The following DCP1B variants were observed in gnomAD, a reference collection of about 807,000 sequenced individuals.
The protein encoded by DCP1B is decapping mRNA 1B.
In DCP1B, 47 loss-of-function variants were observed where a neutral mutation model predicts 60.5. The observed-to-expected ratio is 0.78, with a 90% CI of 0.61 to 0.99. DCP1B has a LOEUF of 0.99. Ranked by LOEUF, DCP1B falls within the 50% of genes least tolerant of loss-of-function variation. DCP1B has a pLI of 0.00. For missense variants in DCP1B, 725 were observed against 756.8 expected (o/e 0.96, Z 0.49); for synonymous variants, 267 against 280.3 (o/e 0.95, Z 0.47).
At chr12:1,992,862 C>A in intron 3 of DCP1B, 1 of 423,434 alleles carries the variant, frequency 2.4e-6, no homozygotes, top group East Asian at 3.9e-5. Context: ...CTCACTCGGC[C>A]AAAAGTGATA....
At chr12:1,992,072 C>T (rs549248900) in intron 3 of DCP1B, 86 of 368,924 alleles carry the variant, frequency 2.3e-4, no homozygotes, top group African/African-American at 1.7e-3. Context: ...GGAAAGGGTC[C>T]TGGAGTTGGA....
chr12:1,983,225 G>GT (rs57856032), intron 3 of DCP1B, among the ~76,000 whole-genome samples: 43,339 of 150,824 alleles, frequency 0.29, 6,435 homozygotes, highest in East Asian at 0.43. Context: ...TCTCTAAACA[G>GT]TTTTTTTGTT....
chr12:1,954,255 A>T (rs953763452), intron 6 of DCP1B, among the ~76,000 whole-genome samples: 29 of 152,140 alleles, frequency 1.9e-4, no homozygotes, highest in African/African-American at 7.0e-4. Context: ...AGGTCTCGCT[A>T]TTAAAATATA....
At chr12:1,951,953 C>T (rs963154910) in intron 7 of DCP1B, among the ~76,000 whole-genome samples, 1 of 152,160 alleles carries the variant, frequency 6.6e-6, no homozygotes, top group East Asian at 1.9e-4. Context: ...CCTAATATAA[C>T]GAAGATTTAA....
Position 1,955,508 on chromosome 12 carries a change from T to C in DCP1B, c.575A>G (p.Asp192Gly). The change falls in exon 6 of 9, where the codon GAC becomes GGC. Residue 192 changes from aspartate to glycine, a missense_variant. Asp to Gly is a moderately conservative substitution (Grantham distance 94). Coordinates refer to ENST00000280665, the MANE Select transcript of DCP1B (RefSeq NM_152640.5). ...KKITSSSAIY[D>G]NPNLIKPIPV... is the part of the protein sequence containing the mutation. ...AATTGGTTTGATGAGATTTGGATTG[T>C]CATAGATGGCAGAGGAACTGGTTAT... 6.2e-7 allele frequency: 1 copy of C among 1,613,996 alleles called. No homozygotes were observed. Among genetic ancestry groups the C allele is most frequent in the South Asian group, 1.1e-5 (1 of 91,080 alleles).
At chr12:1,980,965 A>G (rs2035960710) in intron 3 of DCP1B, among the ~76,000 whole-genome samples, 1 of 152,154 alleles carries the variant, frequency 6.6e-6, no homozygotes, top group South Asian at 2.1e-4. Flanking sequence ...GCTTTTTAGA[A>G]TTTAAATAAA....
chr12:1,949,915 C>G (rs2030598972), intron 7 of DCP1B: 3 of 192,888 alleles, frequency 1.6e-5, no homozygotes, highest in Non-Finnish European at 1.1e-5. Flanking sequence ...TTTGGGCTGA[C>G]CCGGGCGGCC....
intron 3 of DCP1B, among the ~76,000 whole-genome samples, chr12:1,969,136 T>G (rs1333329408): frequency 6.6e-6 from 1 of 152,174 alleles, no homozygotes; most frequent in African/African-American, 2.4e-5. Flanking sequence ...AAATTCAAAC[T>G]TTCTAAACAC....
intron 5 of DCP1B, 71 bp downstream of exon 5, chr12:1,965,487 C>A: frequency 6.7e-7 from 1 of 1,485,098 alleles, no homozygotes; most frequent in South Asian, 1.5e-5. Context: ...AGTACCTAGT[C>A]TTGCTAAACA....
At chr12:1,978,032 T>A (rs974229216) in intron 3 of DCP1B, among the ~76,000 whole-genome samples, 10 of 152,268 alleles carry the variant, frequency 6.6e-5, no homozygotes, top group Non-Finnish European at 1.0e-4. Flanking sequence ...AATTGACATT[T>A]AAAAAAATTG....
At chr12:1,970,245 G>C (rs2031873825) in intron 3 of DCP1B, among the ~76,000 whole-genome samples, 1 of 152,146 alleles carries the variant, frequency 6.6e-6, no homozygotes, top group Non-Finnish European at 1.5e-5. Flanking sequence ...CAAAATGAAG[G>C]AAAGATTGAG....
intron 2 of DCP1B, among the ~76,000 whole-genome samples, chr12:1,996,410 C>T (rs10774010): frequency 0.31 from 46,926 of 151,476 alleles, 7,496 homozygotes; most frequent in East Asian, 0.54. Flanking sequence ...CCAGGTTCTC[C>T]GCCCCTGCTT....
chr12:1,951,129 G>T (rs188249824), intron 7 of DCP1B, among the ~76,000 whole-genome samples: 6 of 152,210 alleles, frequency 3.9e-5, no homozygotes, highest in African/African-American at 1.4e-4. Flanking sequence ...CAAAAAATTA[G>T]CCAGGTGTGG....
At chr12:1,993,053 T>G in intron 3 of DCP1B, 1 of 709,200 alleles carries the variant, frequency 1.4e-6, no homozygotes, top group Non-Finnish European at 2.5e-6. Context: ...TAGGTTTATA[T>G]CATCATATTT....
At chr12:1,944,806 TGTAA>T (rs140895908), downstream of DCP1B, among the ~76,000 whole-genome samples, 75,262 of 151,248 alleles carry the variant, frequency 0.5, 18,896 homozygotes, top group East Asian at 0.73. Context: ...AAGACTTAAA[TGTAA>T]GACCTAAAAC....
rs115629179 is a variant in DCP1B, at chr12:1,988,786, T to C, written c.319+4478A>G. On this transcript the variant is annotated intron_variant, in intron 3 of 8. Coordinates refer to ENST00000280665, the MANE Select transcript of DCP1B (RefSeq NM_152640.5). ...ATGGGGGCTACCTGTAATTTTCCTT[T>C]TCATTCAGGGTACTATTTCCGTTAT... Among the ~76,000 whole-genome samples the C allele has an allele frequency of 9.2e-3, 1,399 of 152,274 alleles. 15 individuals are homozygous for C. Among genetic ancestry groups the C allele is most frequent in the African/African-American group, 0.032 (1,318 of 41,532 alleles).
At position 1,948,791 on chromosome 12, in the gene DCP1B, G is replaced by C. The variant is rs1230194952; in HGVS notation, c.1773+295C>G. ...AGCACCCAGGGTCCTCTCAGGGACT[G>C]CTTAATCCCCAGCATATGCTTCCTT... On this transcript the variant is annotated intron_variant, in intron 8 of 8. Transcript: ENST00000280665. The surrounding 1 kb of genome is among the most constrained non-coding windows in gnomAD (Gnocchi z 4.8). 6.6e-6 allele frequency among the ~76,000 whole-genome samples: 1 copy of C among 152,176 alleles called. No individual in the cohort carries two copies. The highest frequency in any genetic ancestry group is 1.5e-5 in the Non-Finnish European group (1 of 68,038).
chr12:1,947,392 C>T (rs1304735456), intron 8 of DCP1B, among the ~76,000 whole-genome samples: 5 of 152,174 alleles, frequency 3.3e-5, no homozygotes, highest in Admixed American at 3.3e-4. Context: ...AAAGTAGTCA[C>T]AAAGTTCCTC....
At chr12:1,958,437 CAG>C (rs67130125) in intron 5 of DCP1B, among the ~76,000 whole-genome samples, 33,939 of 94,516 alleles carry the variant, frequency 0.36, 4,940 homozygotes, top group East Asian at 0.55. Context: ...TGGAAGGAAA[CAG>C]GGGAAAAGCT....
Sources: allele counts gnomAD v4.1 joint callset (sites outside exome capture counted in the v4.1 genomes callset), GRCh38; gene constraint gnomAD v4.1.1; non-coding constraint Gnocchi (gnomAD v3.1); transcripts MANE v1.5; gene names NCBI Gene and HGNC (gene_info 2026-07-23, HGNC 2026-07-21).